Variants in MCPH1 observed in about 807,000 individuals in gnomAD.
The protein encoded by MCPH1 is microcephalin.
Under a neutral mutation model 84.5 loss-of-function variants are expected in MCPH1, and 104 were observed. The ratio of observed to expected loss-of-function variants is 1.23; its 90% confidence interval spans 1.05 to 1.45. The LOEUF (loss-of-function observed/expected upper bound fraction) is 1.45. Among genes scored for constraint, MCPH1 ranks in the 40% most tolerant of loss-of-function variants. The pLI is 0.00. For missense variants in MCPH1, 1,498 were observed against 1,005.7 expected (o/e 1.49, Z -6.62); for synonymous variants, 514 against 366.8 (o/e 1.40, Z -4.58).
intron 11 of MCPH1, among the ~76,000 whole-genome samples, chr8:6,485,959 C>T (rs1292788858): frequency 1.3e-5 from 2 of 152,160 alleles, no homozygotes; most frequent in African/African-American, 4.8e-5. Context: ...CAAGCCGAGT[C>T]ACTTTCTCTG....
intron 9 of MCPH1, among the ~76,000 whole-genome samples, chr8:6,472,453 T>TA (rs1298790249): frequency 2.0e-5 from 3 of 152,120 alleles, no homozygotes; most frequent in Admixed American, 2.0e-4. Context: ...TGGGGAATCT[T>TA]AGACAGTTTT....
At chr8:6,525,432 A>G (rs2515459) in intron 12 of MCPH1, among the ~76,000 whole-genome samples, 12,296 of 152,168 alleles carry the variant, frequency 0.081, 641 homozygotes, top group African/African-American at 0.14. Flanking sequence ...TTCTCATTAT[A>G]TTGCCCTGGC....
At chr8:6,446,841 G>T (rs1206167821) in intron 8 of MCPH1, 1 of 985,230 alleles carries the variant, frequency 1.0e-6, no homozygotes, top group Non-Finnish European at 1.2e-6. Context: ...GAGTGTGCTA[G>T]TCCTCGGAAG....
intron 9 of MCPH1, among the ~76,000 whole-genome samples, chr8:6,472,040 A>G (rs2442492): frequency 0.65 from 98,865 of 152,190 alleles, 36,122 homozygotes; most frequent in Non-Finnish European, 0.82. Context: ...GAGTCAACCC[A>G]AAAAAGTTCT....
chr8:6,513,726 T>A (rs757382766), intron 12 of MCPH1: 8 of 1,613,694 alleles, frequency 5.0e-6, no homozygotes, highest in Middle Eastern at 1.6e-4. Flanking sequence ...ATACAATGAG[T>A]AAGCCTCATT....
intron 12 of MCPH1, among the ~76,000 whole-genome samples, chr8:6,611,315 C>G (rs187621222): frequency 6.6e-6 from 1 of 152,306 alleles, no homozygotes; most frequent in African/African-American, 2.4e-5. Context: ...CCTACCCATG[C>G]CAATTGCTTG....
intron 3 of MCPH1, among the ~76,000 whole-genome samples, chr8:6,426,162 C>G (rs186641000): frequency 6.6e-5 from 10 of 152,252 alleles, no homozygotes; most frequent in Admixed American, 6.5e-4. Flanking sequence ...TTATTGCAGG[C>G]TCAGATAGTT....
chr8:6,411,067 GC>G (rs1442614923), intron 2 of MCPH1, among the ~76,000 whole-genome samples: 1 of 152,126 alleles, frequency 6.6e-6, no homozygotes, highest in Non-Finnish European at 1.5e-5. Flanking sequence ...TCCAGCCTGG[GC>G]GACGGAGTAA....
chr8:6,589,947 T>C (rs1348526746), intron 12 of MCPH1, among the ~76,000 whole-genome samples: 1 of 152,242 alleles, frequency 6.6e-6, no homozygotes, highest in African/African-American at 2.4e-5. Context: ...AGACTAGTTT[T>C]ACTCTAAAGT....
intron 11 of MCPH1, among the ~76,000 whole-genome samples, chr8:6,489,661 C>T (rs1019747403): frequency 3.3e-5 from 5 of 152,162 alleles, no homozygotes; most frequent in Non-Finnish European, 5.9e-5. Flanking sequence ...AGACATAATG[C>T]TGCTGCTACA....
In MCPH1 at chr8:6,520,767, T is replaced by G. The variant is rs188533992; in HGVS notation, c.2214+20838T>G. ...GGAAGGCAAAATGTGCTTAAGAACC[T>G]GGCAAGATAAGGGAACTAGCATCTC... On this transcript the variant is annotated intron_variant, in intron 12 of 13. Coordinates refer to ENST00000344683, the MANE Select transcript of MCPH1 (RefSeq NM_024596.5). Among the ~76,000 whole-genome samples the G allele has an allele frequency of 3.0e-4, 46 of 152,328 alleles. 2 individuals are homozygous for G. The highest frequency in any genetic ancestry group is 1.1e-3 in the African/African-American group (45 of 41,576).
intron 13 of MCPH1, chr8:6,642,725 G>A: frequency 1.9e-6 from 1 of 516,564 alleles, no homozygotes; most frequent in Non-Finnish European, 3.5e-6. Context: ...TGACACAACG[G>A]GAACGTGCCC....
chr8:6,556,108 C>G (rs1824567106), intron 12 of MCPH1, among the ~76,000 whole-genome samples: 1 of 152,108 alleles, frequency 6.6e-6, no homozygotes, highest in Admixed American at 6.5e-5. Context: ...CAAGACTAAC[C>G]AAGGGTGTCA....
intron 8 of MCPH1, chr8:6,447,157 T>G (rs2129556006): frequency 1.0e-6 from 1 of 985,454 alleles, no homozygotes; most frequent in African/African-American, 1.7e-5. Context: ...TTGGCTAGCC[T>G]AAATCGAACC....
intron 3 of MCPH1, among the ~76,000 whole-genome samples, chr8:6,421,797 T>A (rs1340393301): frequency 6.6e-6 from 1 of 152,130 alleles, no homozygotes; most frequent in East Asian, 1.9e-4. Flanking sequence ...TGCATGATGG[T>A]CCCCTTCCCT....
intron 8 of MCPH1, chr8:6,446,805 A>G (rs1035612037): frequency 2.0e-6 from 2 of 985,106 alleles, no homozygotes; most frequent in Admixed American, 6.2e-5. Context: ...ACAGTGTGGC[A>G]TGGCCTAAAA....
chr8:6,548,247 C>G (rs1822967314), intron 12 of MCPH1, among the ~76,000 whole-genome samples: 1 of 152,120 alleles, frequency 6.6e-6, no homozygotes, highest in African/African-American at 2.4e-5. Context: ...GTCCAAAATG[C>G]CTTTCCTGCA....
In MCPH1 at chr8:6,445,356, T is replaced by C; in HGVS notation, c.1634T>C (p.Leu545Ser). The C allele has an allele frequency of 1.2e-6, 2 of 1,614,248 alleles. No homozygotes were observed. The highest frequency in any genetic ancestry group is 1.7e-6 in the Non-Finnish European group (2 of 1,180,050). Residue 545 changes from leucine to serine, a missense_variant, in exon 8 of 14, where the codon TTG (leucine) becomes TCG (serine). Leu to Ser is a moderately radical substitution (Grantham distance 145). Coordinates refer to ENST00000344683, the MANE Select transcript of MCPH1 (RefSeq NM_024596.5). ...GGACATGATGATGATTTAACTCCTT[T>C]GGAAGGAAGCCTTGAAGAAATGAAA... ...PKGHDDDLTP[L>S]EGSLEEMKEA...
chr8:6,518,172 G>C (rs578246929), intron 12 of MCPH1, among the ~76,000 whole-genome samples: 5 of 152,302 alleles, frequency 3.3e-5, no homozygotes, highest in African/African-American at 1.2e-4. Flanking sequence ...TGCATGGTTA[G>C]CGGCTGTCCC....
Sources: gnomAD v4.1 joint callset for allele counts (sites outside exome capture counted in the v4.1 genomes callset) on GRCh38, gnomAD v4.1.1 for gene constraint, MANE v1.5 for transcripts, NCBI Gene and HGNC (gene_info 2026-07-23, HGNC 2026-07-21) for gene names.